The following CCDC144A variants were observed in gnomAD, a reference collection of about 807,000 sequenced individuals.
CCDC144A encodes the protein coiled-coil domain-containing protein 144A.
A neutral mutation model predicts 143.8 loss-of-function variants in CCDC144A; 41 were observed. The ratio of observed to expected loss-of-function variants is 0.29; its 90% CI spans 0.22 to 0.37. CCDC144A has a LOEUF of 0.37. CCDC144A is among the 10% of genes least tolerant of loss of function. CCDC144A has a pLI of 1.00. For missense variants in CCDC144A, 637 were observed against 1,488.8 expected, an observed-to-expected ratio of 0.43 and a Z score of 9.41; for synonymous variants, 242 against 517.9, an observed-to-expected ratio of 0.47 and a Z score of 7.23.
intron 12 of CCDC144A, among the ~76,000 whole-genome samples, chr17:16,740,252 G>A (rs919457366): frequency 6.6e-6 from 1 of 152,116 alleles, no homozygotes; most frequent in African/African-American, 2.4e-5. Flanking sequence ...CCAGCACCTG[G>A]TTCTCTTGTA....
intron 5 of CCDC144A, 47 bp from the exon 6 acceptor site, chr17:16,711,632 T>C (rs1283628819): frequency 1.2e-6 from 2 of 1,609,246 alleles, no homozygotes; most frequent in East Asian, 2.2e-5. Flanking sequence ...TTCTTTGTAT[T>C]GAATAAAGCA....
chr17:16,697,654 C>A (rs1911494389), intron 2 of CCDC144A, among the ~76,000 whole-genome samples: 1 of 152,238 alleles, frequency 6.6e-6, no homozygotes, highest in Admixed American at 6.5e-5. Flanking sequence ...ATGCCTTTTT[C>A]ATTTATTTTA....
chr17:16,727,743 A>G lies in CCDC144A; in HGVS notation c.2105+3A>G, dbSNP rs1030103414. ...GAGAAAGAGCTGTACGATTTGAGGT[A>G]TGATGTTCTAGTTCTAAAGAAATGT... On this transcript the variant is annotated splice_donor_region_variant and intron_variant, in intron 9 of 16. Coordinates refer to ENST00000399273, the MANE Select transcript of CCDC144A (RefSeq NM_001382000.1). The G allele has an allele frequency of 7.5e-6, 12 of 1,599,996 alleles. No individual in the cohort carries two copies. The highest frequency in any genetic ancestry group is 4.4e-5 in the South Asian group (4 of 90,112).
Position 16,750,991 on chromosome 17 carries a change from C to T in CCDC144A, c.3373-10434C>T, listed in dbSNP as rs2266445. On this transcript the variant is annotated intron_variant, in intron 12 of 16. Transcript: ENST00000399273. ...TTAATCTCATTGAGCTTTGTTGCCA[C>T]TGAGATTCTGAATCACATGTCTGTG... is the stretch of plus-strand genomic sequence containing the variant. Among the ~76,000 whole-genome samples, 790 of 152,260 alleles carry T rather than the reference C, an allele frequency of 5.2e-3. 9 individuals are homozygous for T. Among genetic ancestry groups the T allele is most frequent in the African/African-American group, 0.018 (751 of 41,514 alleles).
At chr17:16,676,778 T>C in the CCDC144A span, among the ~76,000 whole-genome samples, 1 of 152,078 alleles carries the variant, frequency 6.6e-6, no homozygotes. Context: ...AGTTGAATTA[T>C]ATTCAAGCAT....
At chr17:16,764,510 T>A in intron 15 of CCDC144A, 1 of 369,306 alleles carries the variant, frequency 2.7e-6, no homozygotes, top group East Asian at 8.7e-5. Context: ...TGGGGTTCAC[T>A]TTTAATGGGT....
At chr17:16,696,632 T>TC (rs1911426398) in intron 2 of CCDC144A, among the ~76,000 whole-genome samples, 2 of 126,622 alleles carry the variant, frequency 1.6e-5, no homozygotes, top group South Asian at 4.8e-4. Flanking sequence ...AGACTCTGTC[T>TC]CAAAAAAAAA....
chr17:16,726,219 A>G, intron 8 of CCDC144A, among the ~76,000 whole-genome samples: 1 of 151,510 alleles, frequency 6.6e-6, no homozygotes, highest in South Asian at 2.1e-4. Flanking sequence ...TCTACTAAAA[A>G]TACAAAAAAA....
At chr17:16,715,074 C>G (rs914077085) in intron 6 of CCDC144A, among the ~76,000 whole-genome samples, 6 of 151,866 alleles carry the variant, frequency 4.0e-5, no homozygotes, top group African/African-American at 4.8e-5. Flanking sequence ...CACTATCCCT[C>G]CTCTCAAACC....
chr17:16,748,797 C>T (rs540394508), intron 12 of CCDC144A, among the ~76,000 whole-genome samples: 1 of 152,126 alleles, frequency 6.6e-6, no homozygotes, highest in East Asian at 1.9e-4. Context: ...ATTTCAATTT[C>T]CTCGTGGTTC....
At chr17:16,712,074 G>A in intron 6 of CCDC144A, 2 of 456,804 alleles carry the variant, frequency 4.4e-6, no homozygotes, top group Non-Finnish European at 8.0e-6. Context: ...GGGTTGTGGT[G>A]AGCTGTGATC....
intron 12 of CCDC144A, among the ~76,000 whole-genome samples, chr17:16,757,434 G>T (rs1372263254): frequency 6.6e-6 from 1 of 152,262 alleles, no homozygotes; most frequent in Non-Finnish European, 1.5e-5. Context: ...GGTGCCGGTG[G>T]GGCAGTAGGA....
At chr17:16,767,919 A>C (rs1383093280) in intron 15 of CCDC144A, among the ~76,000 whole-genome samples, 1 of 152,266 alleles carries the variant, frequency 6.6e-6, no homozygotes, top group East Asian at 1.9e-4. Context: ...ATCATGGTCC[A>C]GTAATGAGAT....
upstream of CCDC144A, among the ~76,000 whole-genome samples, chr17:16,687,651 G>A (rs1221020709): frequency 6.6e-6 from 1 of 152,162 alleles, no homozygotes; most frequent in African/African-American, 2.4e-5. Context: ...GGCTTGTGGA[G>A]ATGGAGGACT....
chr17:16,676,616 A>G, the CCDC144A span, among the ~76,000 whole-genome samples: 1 of 152,064 alleles, frequency 6.6e-6, no homozygotes, highest in Non-Finnish European at 1.5e-5. Context: ...GTACAAAAAT[A>G]TGCTGCTTCC....
intron 12 of CCDC144A, among the ~76,000 whole-genome samples, chr17:16,758,409 T>C (rs946549785): frequency 8.5e-5 from 13 of 152,222 alleles, no homozygotes; most frequent in African/African-American, 3.1e-4. Context: ...GGGTTGTGGT[T>C]TCTGCGGTAT....
At chr17:16,762,879 G>C (rs992764747) in intron 14 of CCDC144A, among the ~76,000 whole-genome samples, 1 of 148,092 alleles carries the variant, frequency 6.8e-6, no homozygotes, top group Non-Finnish European at 1.5e-5. Context: ...AATTTAGACA[G>C]TGATACCATT....
chr17:16,730,335 C>T (rs1169463397), intron 9 of CCDC144A, among the ~76,000 whole-genome samples: 1 of 100,626 alleles, frequency 9.9e-6, no homozygotes, highest in Non-Finnish European at 1.9e-5. Flanking sequence ...TATTCTGTTC[C>T]ATTGGTCTAC....
intron 2 of CCDC144A, among the ~76,000 whole-genome samples, chr17:16,702,239 T>C (rs1911776824): frequency 6.6e-6 from 1 of 152,222 alleles, no homozygotes; most frequent in Non-Finnish European, 1.5e-5. Context: ...CCTGGCAACC[T>C]GCCACCACTG....
Sources: gnomAD v4.1 joint callset for allele counts (sites outside exome capture counted in the v4.1 genomes callset) on GRCh38, gnomAD v4.1.1 for gene constraint, MANE v1.5 for transcripts, NCBI Gene and HGNC (gene_info 2026-07-23, HGNC 2026-07-21) for gene names.